The following EIPR1 variants were observed in gnomAD, a reference collection of about 807,000 sequenced individuals.
EIPR1 encodes the protein EARP and GARP complex-interacting protein 1.
A neutral mutation model predicts 48.1 loss-of-function variants in EIPR1; 25 were observed. The ratio of observed to expected loss-of-function variants is 0.52; its 90% CI spans 0.38 to 0.73. The LOEUF (loss-of-function observed/expected upper bound fraction) is 0.73, where lower values mean the gene tolerates loss of function less well. EIPR1 is among the 30% of genes least tolerant of loss of function. The pLI is 0.00. For synonymous variants in EIPR1, 204 were observed against 201.9 expected (o/e 1.01, Z -0.09); for missense variants, 415 against 506.2 (o/e 0.82, Z 1.73).
chr2:3,354,595 G>A lies in EIPR1; in HGVS notation c.81C>T (p.Ala27=), dbSNP rs1280035442. 9.3e-6 allele frequency: 15 copies of A among 1,614,070 alleles called. No homozygotes were observed. The highest frequency in any genetic ancestry group is 2.7e-5 in the African/African-American group (2 of 75,030). ...ACTGCGTCCCAACCAAAAACCGAAT[G>A]GCATCTGTTTCTGCAGTTTGAGGTG... The part of the protein sequence containing the change: ...ALTPQTAETD[A]IRFLVGTQSL... Residue 27 remains alanine, a synonymous_variant, in exon 2 of 9, where the codon GCC becomes GCT. Transcript: ENST00000382125.
At chr2:3,253,764 G>T (rs1166341166) in intron 4 of EIPR1, among the ~76,000 whole-genome samples, 1 of 152,218 alleles carries the variant, frequency 6.6e-6, no homozygotes, top group Non-Finnish European at 1.5e-5. Context: ...GACTGGTGGG[G>T]TGCCCTGTTC....
At chr2:3,206,522 C>T (rs1389534602) in intron 5 of EIPR1, among the ~76,000 whole-genome samples, 3 of 152,176 alleles carry the variant, frequency 2.0e-5, no homozygotes, top group African/African-American at 7.2e-5. Context: ...TCAGCTGTCC[C>T]CATTAGGTGA....
At chr2:3,248,559 A>G (rs1401593007) in intron 4 of EIPR1, among the ~76,000 whole-genome samples, 1 of 151,964 alleles carries the variant, frequency 6.6e-6, no homozygotes, top group Non-Finnish European at 1.5e-5. Flanking sequence ...GCACCACTGC[A>G]CTCCAGCCTG....
rs1255851196 is a variant in EIPR1, at chr2:3,294,976, A to C, written c.260-37521T>G. On this transcript the variant is annotated intron_variant, in intron 3 of 8. Transcript: ENST00000382125. The stretch of plus-strand genomic sequence containing the variant: ...CACACACACACCCTCCATCCAGCCC[A>C]TCCTCTCTACACACACACACACACA... 2.1e-4 allele frequency among the ~76,000 whole-genome samples: 6 copies of C among 29,136 alleles called. 1 individual carries two copies. Among genetic ancestry groups the C allele is most frequent in the African/African-American group, 5.8e-4 (4 of 6,886 alleles). The allele number at this position is 29,136 out of a possible 152,430, so 19.1% of individuals were successfully genotyped here. A position where few individuals can be genotyped will look rare whatever the true frequency, so the allele number is the denominator to read the frequency against.
intron 3 of EIPR1, among the ~76,000 whole-genome samples, chr2:3,303,280 G>A (rs1323296203): frequency 6.6e-6 from 1 of 152,232 alleles, no homozygotes; most frequent in East Asian, 1.9e-4. Flanking sequence ...CAGCCATGCC[G>A]AGGGCCAGGC....
intron 3 of EIPR1, among the ~76,000 whole-genome samples, chr2:3,279,988 G>A (rs989319148): frequency 1.3e-5 from 2 of 152,184 alleles, no homozygotes; most frequent in Admixed American, 6.5e-5. Flanking sequence ...TAAGGACGGA[G>A]AAAAGAAAAA....
At chr2:3,239,703 T>A (rs2694101) in intron 4 of EIPR1, among the ~76,000 whole-genome samples, 136,087 of 149,018 alleles carry the variant, frequency 0.91, 62,600 homozygotes, top group East Asian at 0.98. Context: ...TGGCTGCTCA[T>A]TAACCCCCTT....
chr2:3,203,011 T>C (rs938252795), intron 5 of EIPR1, among the ~76,000 whole-genome samples: 1 of 152,200 alleles, frequency 6.6e-6, no homozygotes, highest in Admixed American at 6.5e-5. Context: ...ATGTGTGCAA[T>C]GAAAAGAAAT....
Position 3,262,932 on chromosome 2 carries a change from G to A in EIPR1, c.260-5477C>T, listed in dbSNP as rs1379157629. On this transcript the variant is annotated intron_variant, in intron 3 of 8. Coordinates refer to ENST00000382125, the MANE Select transcript of EIPR1 (RefSeq NM_003310.5). The stretch of plus-strand genomic sequence containing the variant: ...GTGCACACAGGACAGAGTCAGGCAG[G>A]ACCAGAGGGCACCAGAAAACTGCAT... 3.9e-5 allele frequency among the ~76,000 whole-genome samples: 6 copies of A among 152,166 alleles called. No individual in the cohort carries two copies. In the East Asian group the frequency reaches 1.2e-3, roughly 29 times the overall value.
chr2:3,372,798 G>A (rs1309206595), intron 1 of EIPR1, among the ~76,000 whole-genome samples: 20 of 152,252 alleles, frequency 1.3e-4, no homozygotes, highest in Admixed American at 7.2e-4. Context: ...TTCTACCAGA[G>A]GTATAAGGAG....
At chr2:3,373,377 C>A (rs1459027340) in intron 1 of EIPR1, among the ~76,000 whole-genome samples, 3 of 152,014 alleles carry the variant, frequency 2.0e-5, no homozygotes, top group Non-Finnish European at 4.4e-5. Flanking sequence ...GAAGTTCTGG[C>A]CAGGGCAATT....
chr2:3,337,145 G>A (rs906674075), intron 3 of EIPR1, among the ~76,000 whole-genome samples: 1 of 151,930 alleles, frequency 6.6e-6, no homozygotes, highest in Non-Finnish European at 1.5e-5. Context: ...ACAGGGAAGG[G>A]AAGGGAAAAG....
At chr2:3,279,795 G>T (rs536080382) in intron 3 of EIPR1, among the ~76,000 whole-genome samples, 1 of 152,336 alleles carries the variant, frequency 6.6e-6, no homozygotes, top group Admixed American at 6.5e-5. Context: ...ATGATGCGAA[G>T]TTACACACAA....
At chr2:3,192,052 G>A (rs1351757624) in intron 8 of EIPR1, among the ~76,000 whole-genome samples, 1 of 152,226 alleles carries the variant, frequency 6.6e-6, no homozygotes, top group East Asian at 1.9e-4. Context: ...CACTGACTGT[G>A]ATGCGTCTCT....
intron 1 of EIPR1, among the ~76,000 whole-genome samples, chr2:3,358,596 T>C (rs1209757566): frequency 1.3e-5 from 2 of 152,208 alleles, no homozygotes; most frequent in African/African-American, 2.4e-5. Flanking sequence ...TTTAGACTCA[T>C]AAAGTTATAG....
intron 3 of EIPR1, among the ~76,000 whole-genome samples, chr2:3,330,963 CGCATGT>C (rs1669877454): frequency 6.8e-6 from 1 of 148,140 alleles, no homozygotes; most frequent in African/African-American, 2.5e-5. Context: ...CAGAGGCAAG[CGCATGT>C]ACACTCACGA....
intron 6 of EIPR1, 88 bp from the exon 7 acceptor site, chr2:3,194,254 G>T: frequency 6.6e-7 from 1 of 1,523,688 alleles, no homozygotes; most frequent in Middle Eastern, 2.0e-4. Context: ...GGTTTCCCGG[G>T]ACCCTGTCTA....
chr2:3,318,330 G>A (rs558147604), intron 3 of EIPR1, among the ~76,000 whole-genome samples: 20 of 152,324 alleles, frequency 1.3e-4, no homozygotes, highest in East Asian at 7.7e-4. Context: ...CAAAGCACCC[G>A]GCAAATGATA....
rs1558292848 is a variant in EIPR1 at position 3,315,174 on chromosome 2, CCCTACCACCACCATCACCA to C, written c.259+22824_259+22842del. 1.7e-3 allele frequency among the ~76,000 whole-genome samples: 3 copies of C among 1,776 alleles called. 1 individual carries two copies. The highest frequency in any genetic ancestry group is 0.016 in the Non-Finnish European group (2 of 122). The allele number at this position is 1,776 out of a possible 152,430, so 1.2% of individuals were successfully genotyped here. On this transcript the variant is annotated intron_variant, in intron 3 of 8. Coordinates refer to ENST00000382125, the MANE Select transcript of EIPR1 (RefSeq NM_003310.5). Reference sequence around the variant, plus strand: ...CCCCATGCCTACCATCATCACCACCCCCTACCACCACCATCACCACCATCCCCATCCACACCCCCTACCA... The same window carrying C: ...CCCCATGCCTACCATCATCACCACCCCCATCCCCATCCACACCCCCTACCA...
Sources: gnomAD v4.1 joint callset for allele counts (sites outside exome capture counted in the v4.1 genomes callset) on GRCh38, gnomAD v4.1.1 for gene constraint, MANE v1.5 for transcripts, NCBI Gene and HGNC (gene_info 2026-07-23, HGNC 2026-07-21) for gene names.